Variants in DLG2 observed in about 807,000 individuals in gnomAD.
DLG2 encodes the protein discs large MAGUK scaffold protein 2, also known as disks large homolog 2.
A neutral mutation model predicts 132.5 loss-of-function variants in DLG2; 45 were observed. That is an observed-to-expected ratio of 0.34 (90% CI 0.27 to 0.44). The LOEUF is 0.44. Ranked by LOEUF, DLG2 falls within the 20% of genes least tolerant of loss-of-function variation. The probability of loss-of-function intolerance (pLI) is 1.00; values close to 1 mark genes in which losing one functional copy is unlikely to be tolerated. For missense variants in DLG2, 1,045 were observed against 1,196.9 expected (o/e 0.87, Z 1.87); for synonymous variants, 424 against 419.6 (o/e 1.01, Z -0.13).
At chr11:85,171,036 A>C (rs2078827791) in intron 4 of DLG2, among the ~76,000 whole-genome samples, 1 of 152,208 alleles carries the variant, frequency 6.6e-6, no homozygotes. Flanking sequence ...TACCAACCGG[A>C]AGACACCATA....
At chr11:84,142,264 T>A (rs1231122801) in intron 9 of DLG2, among the ~76,000 whole-genome samples, 2 of 141,720 alleles carry the variant, frequency 1.4e-5, no homozygotes, top group African/African-American at 5.3e-5. Flanking sequence ...GAGGTTGCAG[T>A]GAGCCGAGAT....
At chr11:83,850,602 C>CA (rs1239958367) in intron 16 of DLG2, among the ~76,000 whole-genome samples, 4 of 152,150 alleles carry the variant, frequency 2.6e-5, no homozygotes, top group African/African-American at 9.7e-5. Flanking sequence ...CACTGGACTA[C>CA]AATGTACCAT....
chr11:84,717,164 C>G (rs1177191751), intron 6 of DLG2, among the ~76,000 whole-genome samples: 4 of 151,936 alleles, frequency 2.6e-5, no homozygotes, highest in African/African-American at 4.8e-5. Context: ...CTGGCCTACC[C>G]ATGAAAATGG....
At chr11:85,347,225 A>G (rs935178782) in intron 3 of DLG2, among the ~76,000 whole-genome samples, 10 of 152,056 alleles carry the variant, frequency 6.6e-5, no homozygotes. Context: ...CTCAGAAATT[A>G]GTCTCAGAAT....
chr11:83,609,405 T>A (rs960782009), intron 19 of DLG2, among the ~76,000 whole-genome samples: 6 of 152,196 alleles, frequency 3.9e-5, no homozygotes. Flanking sequence ...TGCTCCTTTC[T>A]GGCTCCAAGC....
chr11:84,595,659 T>C (rs1215173241), intron 6 of DLG2, among the ~76,000 whole-genome samples: 1 of 152,184 alleles, frequency 6.6e-6, no homozygotes, highest in African/African-American at 2.4e-5. Context: ...TTTCATAGGT[T>C]ATTACTGTTT....
chr11:83,543,055 A>C lies in DLG2; in HGVS notation c.1941-1197T>G, dbSNP rs2096126855. ...GAAATGTCACATCTGCTGCCATGGC[A>C]ACAAGAAAGAGCTGAAGACAGCATC... On this transcript the variant is annotated intron_variant, in intron 19 of 27. Transcript: ENST00000376104. Among the ~76,000 whole-genome samples, 3 of 152,278 alleles carry C rather than the reference A, an allele frequency of 2.0e-5. No homozygotes were observed. In the South Asian group the frequency reaches 6.2e-4, roughly 32 times the overall value.
intron 6 of DLG2, among the ~76,000 whole-genome samples, chr11:84,777,281 G>GTGTATATATATATATATATA (rs1218190517): frequency 1.1e-5 from 1 of 95,038 alleles, no homozygotes; most frequent in Admixed American, 1.3e-4. Flanking sequence ...ATGTGTGTGT[G>GTGTATATATATATATATATA]TATATATATA....
intron 6 of DLG2, among the ~76,000 whole-genome samples, chr11:84,859,112 G>A (rs1024711910): frequency 2.6e-5 from 4 of 151,628 alleles, no homozygotes; most frequent in African/African-American, 7.3e-5. Context: ...TGCCAGATAC[G>A]AAGCACCTAG....
At chr11:83,807,718 T>A (rs1349161665) in intron 17 of DLG2, among the ~76,000 whole-genome samples, 1 of 152,136 alleles carries the variant, frequency 6.6e-6, no homozygotes, top group African/African-American at 2.4e-5. Context: ...AAGATAATAC[T>A]AGTTACTGAA....
At chr11:85,511,930 A>G (rs2094081565) in intron 3 of DLG2, among the ~76,000 whole-genome samples, 1 of 152,004 alleles carries the variant, frequency 6.6e-6, no homozygotes, top group Admixed American at 6.6e-5. Flanking sequence ...ACGGGGTCTT[A>G]GTATGTTGCC....
At chr11:83,803,787 G>A (rs2045157922) in intron 17 of DLG2, among the ~76,000 whole-genome samples, 1 of 152,062 alleles carries the variant, frequency 6.6e-6, no homozygotes, top group Non-Finnish European at 1.5e-5. Flanking sequence ...GAATAATGCT[G>A]CCTCCAGAGA....
intron 6 of DLG2, among the ~76,000 whole-genome samples, chr11:85,089,726 A>G (rs1004689026): frequency 6.6e-6 from 1 of 152,164 alleles, no homozygotes; most frequent in South Asian, 2.1e-4. Context: ...ACAGTGGCTG[A>G]ACTAATTACA....
At chr11:85,088,402 C>G (rs943157900) in intron 6 of DLG2, among the ~76,000 whole-genome samples, 1 of 152,162 alleles carries the variant, frequency 6.6e-6, no homozygotes, top group Non-Finnish European at 1.5e-5. Flanking sequence ...CCTACTCTAG[C>G]CTCTGAGAAA....
intron 7 of DLG2, among the ~76,000 whole-genome samples, chr11:84,450,218 T>C (rs1029305609): frequency 6.6e-6 from 1 of 151,798 alleles, no homozygotes; most frequent in East Asian, 1.9e-4. Flanking sequence ...TCAACATCCT[T>C]ATCTTTAAGC....
At chr11:85,501,510 A>T (rs760462526) in intron 3 of DLG2, among the ~76,000 whole-genome samples, 26 of 152,174 alleles carry the variant, frequency 1.7e-4, no homozygotes, top group Non-Finnish European at 3.4e-4. Flanking sequence ...AAATTTTTGC[A>T]ATCTATCCAT....
chr11:84,268,906 A>C (rs991819101), intron 7 of DLG2, among the ~76,000 whole-genome samples: 1 of 152,154 alleles, frequency 6.6e-6, no homozygotes, highest in African/African-American at 2.4e-5. Flanking sequence ...CACTTTTTGA[A>C]CTGCCAGTAC....
chr11:84,698,068 T>C (rs1369029728), intron 6 of DLG2, among the ~76,000 whole-genome samples: 1 of 151,536 alleles, frequency 6.6e-6, no homozygotes, highest in Non-Finnish European at 1.5e-5. Context: ...CATATTTCAC[T>C]TGAAATTCTT....
intron 3 of DLG2, among the ~76,000 whole-genome samples, chr11:85,317,359 C>T (rs2080756539): frequency 6.6e-6 from 1 of 151,624 alleles, no homozygotes; most frequent in Non-Finnish European, 1.5e-5. Context: ...CAGCTACAAA[C>T]GGAAGGAATC....
Sources: allele counts gnomAD v4.1 joint callset (sites outside exome capture counted in the v4.1 genomes callset), GRCh38; gene constraint gnomAD v4.1.1; transcripts MANE v1.5; gene names NCBI Gene and HGNC (gene_info 2026-07-23, HGNC 2026-07-21).